PODXL2: variants seen among roughly 807,000 people sequenced by gnomAD.
The protein encoded by PODXL2 is podocalyxin like 2.
PODXL2 carries 17 observed loss-of-function variants against 53.4 expected under a neutral mutation model. The ratio of observed to expected loss-of-function variants is 0.32; its 90% CI spans 0.22 to 0.48. The LOEUF (loss-of-function observed/expected upper bound fraction) is 0.48. PODXL2 is among the 20% of genes least tolerant of loss of function. The pLI is 0.99. For missense variants in PODXL2, 673 were observed against 760.0 expected (o/e 0.89, Z 1.35); for synonymous variants, 311 against 306.7 (o/e 1.01, Z -0.15).
At chr3:127,652,194 C>T (rs2074693642) in intron 2 of PODXL2, among the ~76,000 whole-genome samples, 1 of 152,210 alleles carries the variant, frequency 6.6e-6, no homozygotes, top group East Asian at 1.9e-4. Flanking sequence ...AGCAAGAATC[C>T]TCCTCTCCTG....
intron 1 of PODXL2, among the ~76,000 whole-genome samples, chr3:127,634,322 G>A (rs1222055063): frequency 1.3e-5 from 2 of 152,136 alleles, no homozygotes; most frequent in Non-Finnish European, 2.9e-5. Context: ...CTACTCGGGA[G>A]GCTGAGGCAG....
At chr3:127,666,243 T>A (rs1023504880) in intron 4 of PODXL2, among the ~76,000 whole-genome samples, 1 of 152,176 alleles carries the variant, frequency 6.6e-6, no homozygotes, top group African/African-American at 2.4e-5. Flanking sequence ...TTCCATGGGA[T>A]ATCCAGTTGT....
At chr3:127,667,088 C>T (rs1209373414) in intron 4 of PODXL2, among the ~76,000 whole-genome samples, 18 of 152,266 alleles carry the variant, frequency 1.2e-4, no homozygotes, top group Non-Finnish European at 1.5e-5. Flanking sequence ...TCCATCTGCT[C>T]TATGGCCATC....
intron 2 of PODXL2, among the ~76,000 whole-genome samples, chr3:127,648,451 G>T (rs1425138318): frequency 2.0e-5 from 3 of 152,144 alleles, no homozygotes; most frequent in African/African-American, 7.2e-5. Flanking sequence ...AACAAAGAGA[G>T]CACTTTTACT....
Position 127,669,190 on chromosome 3 carries a change from G to A in PODXL2, c.1413G>A (p.Arg471=), listed in dbSNP as rs774139048. The change falls in exon 6 of 8, where the codon AGG becomes AGA. Residue 471 remains arginine, a synonymous_variant. Coordinates refer to ENST00000342480, the MANE Select transcript of PODXL2 (RefSeq NM_015720.4). The part of the protein sequence containing the change: ...DVLSMLGDIR[R]SLEEIGIQNY... ...TTTCCATGCTGGGTGACATCCGCAG[G>A]AGCCTGGAGGAGGTAAGAGTGCAGG... 1 of 1,606,630 alleles carries A rather than the reference G, an allele frequency of 6.2e-7. No homozygotes were observed. Among genetic ancestry groups the A allele is most frequent in the Non-Finnish European group, 8.5e-7 (1 of 1,176,810 alleles).
At chr3:127,645,232 A>G (rs932389273) in intron 2 of PODXL2, among the ~76,000 whole-genome samples, 1 of 152,194 alleles carries the variant, frequency 6.6e-6, no homozygotes, top group African/African-American at 2.4e-5. Flanking sequence ...GGCATGGGGA[A>G]GTAGGGTGCT....
intron 2 of PODXL2, among the ~76,000 whole-genome samples, chr3:127,649,269 A>C (rs2074674510): frequency 6.6e-6 from 1 of 152,262 alleles, no homozygotes; most frequent in Admixed American, 6.5e-5. Flanking sequence ...TCCCAGTATA[A>C]GGCGGGTCTA....
intron 7 of PODXL2, 143 bp downstream of exon 7, chr3:127,671,756 T>C: frequency 2.6e-6 from 2 of 773,478 alleles, no homozygotes; most frequent in East Asian, 2.6e-5. Context: ...CTAGCACTGC[T>C]GACTGCTCTG....
chr3:127,653,052 CTTT>C (rs1480878154), intron 2 of PODXL2, among the ~76,000 whole-genome samples: 3 of 152,178 alleles, frequency 2.0e-5, no homozygotes, highest in African/African-American at 7.2e-5. Flanking sequence ...AGCTTCACTT[CTTT>C]GTTTCTCTTC....
intron 2 of PODXL2, among the ~76,000 whole-genome samples, chr3:127,651,218 G>A (rs1234332854): frequency 3.9e-5 from 6 of 152,280 alleles, no homozygotes; most frequent in East Asian, 3.9e-4. Flanking sequence ...AGTTGAGATC[G>A]TGCCATTGCA....
rs926413442 is a variant in PODXL2, at chr3:127,629,235, C to A, written c.16C>A (p.Arg6=). 1.8e-5 allele frequency: 18 copies of A among 999,414 alleles called. No homozygotes were observed. The Admixed American group carries it at 6.7e-4, about 37-fold the overall frequency. The allele number at this position is 999,414 out of a possible 1,614,324, so 61.9% of individuals were successfully genotyped here. ...CGGCTACACCATGGGCCGGCTGCTG[C>A]GGGCCGCCCGGCTGCCGCCGCTGCT... MGRLL[R]AARLPPLLSP... The change falls in exon 1 of 8, where the codon CGG becomes AGG. Residue 6 remains arginine (R), a synonymous_variant. Coordinates refer to ENST00000342480, the MANE Select transcript of PODXL2 (RefSeq NM_015720.4). The surrounding 1 kb of genome is among the most constrained non-coding windows in gnomAD (Gnocchi z 6.4).
rs948646550 is a variant in PODXL2, at chr3:127,629,595, G to T, written c.70+306G>T. Among the ~76,000 whole-genome samples the T allele has an allele frequency of 8.6e-5, 13 of 152,028 alleles. No individual in the cohort carries two copies. Among genetic ancestry groups the T allele is most frequent in the African/African-American group, 3.1e-4 (13 of 41,554 alleles). ...GCGCAGGCTGCTGCCTCGCGGGCCG[G>T]GGGGGCGCGCACGTGTGGGTGTGCA... On this transcript the variant is annotated intron_variant, in intron 1 of 7. Transcript: ENST00000342480. The surrounding 1 kb of genome is among the most constrained non-coding windows in gnomAD (Gnocchi z 6.4).
At chr3:127,646,705 C>T (rs562334857) in intron 2 of PODXL2, among the ~76,000 whole-genome samples, 2 of 152,274 alleles carry the variant, frequency 1.3e-5, no homozygotes, top group South Asian at 4.1e-4. Context: ...TTTGAGTTAG[C>T]TCATTTGGAC....
In PODXL2 at chr3:127,639,479, A is replaced by T; in HGVS notation, c.305A>T (p.Glu102Val). 6.2e-7 allele frequency: 1 copy of T among 1,614,216 alleles called. No individual in the cohort carries two copies. The highest frequency in any genetic ancestry group is 8.5e-7 in the Non-Finnish European group (1 of 1,179,998). Residue 102 changes from glutamate to valine, a missense_variant, in exon 2 of 8, where the codon GAG (glutamate) becomes GTG (valine). Glu to Val is a moderately radical substitution (Grantham distance 121, BLOSUM62 -2). Around this residue, in one of 3 missense-constraint regions of PODXL2, gnomAD observed 588 missense variants for 668.3 expected, o/e 0.88. Coordinates refer to ENST00000342480, the MANE Select transcript of PODXL2 (RefSeq NM_015720.4). ...CCACCACAGTACTTCTGGGAAGAGG[A>T]GGAAGAGCTGAATGACTCAAGTCTG... ...LQPPQYFWEE[E>V]EELNDSSLDL...
chr3:127,643,594 T>C (rs981132835), intron 2 of PODXL2, among the ~76,000 whole-genome samples: 1 of 152,188 alleles, frequency 6.6e-6, no homozygotes, highest in Non-Finnish European at 1.5e-5. Context: ...TACATGCACC[T>C]TTCTTCCTTC....
At chr3:127,660,086 C>T (rs1380336160) in intron 2 of PODXL2, among the ~76,000 whole-genome samples, 1 of 152,182 alleles carries the variant, frequency 6.6e-6, no homozygotes, top group African/African-American at 2.4e-5. Context: ...AGAATATATA[C>T]CTCAAACTAC....
chr3:127,642,700 A>G (rs1294201230), intron 2 of PODXL2, among the ~76,000 whole-genome samples: 1 of 152,192 alleles, frequency 6.6e-6, no homozygotes, highest in African/African-American at 2.4e-5. Flanking sequence ...TACAAAACAT[A>G]TGTGTACGTT....
rs749708182 is a variant in PODXL2, at chr3:127,660,417, T to C, written c.389T>C (p.Ile130Thr). 19 of 1,613,614 alleles carry C rather than the reference T, an allele frequency of 1.2e-5. No individual in the cohort carries two copies. The highest frequency in any genetic ancestry group is 7.7e-5 in the South Asian group (7 of 91,076). ...GACTTAACTGAGAAGGCAGGTTCCA[T>C]TGAAGACACCAGCCAGGCTCAAGAG... is the stretch of plus-strand genomic sequence containing the variant. The part of the protein sequence containing the change: ...FPDLTEKAGS[I>T]EDTSQAQELP... The change falls in exon 3 of 8, where the codon ATT (isoleucine) becomes ACT (threonine). Residue 130 changes from isoleucine (I) to threonine (T), a missense_variant. By Grantham distance (89) the Ile-to-Thr change is moderately conservative. Transcript: ENST00000342480.
chr3:127,634,587 G>A (rs563670258), intron 1 of PODXL2, among the ~76,000 whole-genome samples: 127 of 140,628 alleles, frequency 9.0e-4, no homozygotes, highest in Non-Finnish European at 1.6e-3. Context: ...TTAGCTGGGC[G>A]TGGTGGCAGG....
Sources: gnomAD v4.1 joint callset for allele counts (sites outside exome capture counted in the v4.1 genomes callset) on GRCh38, gnomAD v4.1.1 for gene constraint, gnomAD v4.1.1 regional missense constraint, Gnocchi (gnomAD v3.1) non-coding constraint, MANE v1.5 for transcripts, NCBI Gene and HGNC (gene_info 2026-07-23, HGNC 2026-07-21) for gene names.